Variants in ADD1 observed in about 807,000 individuals in gnomAD.
ADD1 encodes the protein adducin 1.
ADD1 carries 24 observed loss-of-function variants against 80.5 expected under a neutral mutation model. The observed-to-expected ratio is 0.30, with a 90% CI of 0.22 to 0.42. The LOEUF (loss-of-function observed/expected upper bound fraction) is 0.42. ADD1 is among the 10% of genes least tolerant of loss of function. The pLI, the probability that ADD1 is intolerant of heterozygous loss-of-function variation, is 1.00. For missense variants in ADD1, 948 were observed against 1,019.0 expected, an observed-to-expected ratio of 0.93 and a Z score of 0.95; for synonymous variants, 373 against 393.8, an observed-to-expected ratio of 0.95 and a Z score of 0.63.
At chr4:2,852,352 A>G (rs1284747822) in intron 1 of ADD1, among the ~76,000 whole-genome samples, 1 of 101,964 alleles carries the variant, frequency 9.8e-6, no homozygotes, top group Non-Finnish European at 1.8e-5. Flanking sequence ...TTTGAAAGAG[A>G]GTCTCGCTCT....
At chr4:2,845,061 A>G (rs1725970193) in intron 1 of ADD1, among the ~76,000 whole-genome samples, 1 of 150,220 alleles carries the variant, frequency 6.7e-6, no homozygotes, top group Admixed American at 6.6e-5. Context: ...CCTTGAATGG[A>G]CAAAGGCCCG....
In ADD1 at chr4:2,894,646, C is replaced by T. The variant is rs1734881238; in HGVS notation, c.656C>T (p.Ala219Val). The stretch of plus-strand genomic sequence containing the variant: ...AGCACTAATCTGGGAGTGAATCAGG[C>T]CGGCTTCACCTTACACTCTGCAATT... ...RGSTNLGVNQAGFTLHSAIYA... is the reference protein window; with the variant it reads ...RGSTNLGVNQVGFTLHSAIYA... The change falls in exon 6 of 16, where the codon GCC becomes GTC. Residue 219 changes from alanine (A) to valine (V), a missense_variant. Ala to Val is a moderately conservative substitution (Grantham distance 64). Transcript: ENST00000683351. 6.2e-7 allele frequency: 1 copy of T among 1,610,060 alleles called. No individual in the cohort carries two copies. The highest frequency in any genetic ancestry group is 1.7e-5 in the Admixed American group (1 of 59,086).
chr4:2,923,756 C>T (rs1234483423), intron 14 of ADD1, among the ~76,000 whole-genome samples: 4 of 152,270 alleles, frequency 2.6e-5, no homozygotes, highest in Non-Finnish European at 4.4e-5. Flanking sequence ...TACATCTCAT[C>T]TCATTCTCAA....
In ADD1 at chr4:2,876,168, G is replaced by C. The variant is rs970086440; in HGVS notation, c.195+58G>C. 13 of 1,527,488 alleles carry C rather than the reference G, an allele frequency of 8.5e-6. No individual in the cohort carries two copies. The African/African-American group carries it at 1.8e-4, about 21-fold the overall frequency. The allele number at this position is 1,527,488 out of a possible 1,614,324, so 94.6% of individuals were successfully genotyped here. On this transcript the variant is annotated intron_variant, in intron 2 of 15. Coordinates refer to ENST00000683351, the MANE Select transcript of ADD1 (RefSeq NM_001354761.2). ...TCATCTTTCCTTTTCTAATACTTCA[G>C]GTCTTATGCCCTGTTGTATGAGTGG...
chr4:2,847,676 A>G (rs937167315), intron 1 of ADD1, among the ~76,000 whole-genome samples: 5 of 152,166 alleles, frequency 3.3e-5, no homozygotes, highest in Admixed American at 3.3e-4. Flanking sequence ...ACATGTGCCC[A>G]AGGTGGTTGG....
chr4:2,866,197 C>T (rs561917257), intron 1 of ADD1, among the ~76,000 whole-genome samples: 2 of 152,340 alleles, frequency 1.3e-5, no homozygotes, highest in African/African-American at 2.4e-5. Context: ...GAGGCAGTCT[C>T]CCTCTGTTCC....
At chr4:2,898,886 T>C (rs1362465875) in intron 8 of ADD1, 10 of 384,222 alleles carry the variant, frequency 2.6e-5, no homozygotes, top group Non-Finnish European at 4.8e-5. Flanking sequence ...TATACAGAAG[T>C]AGAGACTCAG....
intron 1 of ADD1, among the ~76,000 whole-genome samples, chr4:2,872,420 C>G (rs1333399457): frequency 6.6e-6 from 1 of 152,136 alleles, no homozygotes; most frequent in Non-Finnish European, 1.5e-5. Flanking sequence ...ATCATTTTGC[C>G]AGTGTATAAT....
chr4:2,869,487 C>T (rs1730083266), intron 1 of ADD1, among the ~76,000 whole-genome samples: 1 of 152,186 alleles, frequency 6.6e-6, no homozygotes, highest in Admixed American at 6.5e-5. Flanking sequence ...CTAATTACAT[C>T]TGTAGCGACC....
chr4:2,856,079 C>T (rs1019847464), intron 1 of ADD1, among the ~76,000 whole-genome samples: 10 of 148,020 alleles, frequency 6.8e-5, no homozygotes, highest in Admixed American at 2.0e-4. Context: ...AAAATAGAGA[C>T]GAGTCTTACT....
chr4:2,873,025 A>C (rs931938938), intron 1 of ADD1, among the ~76,000 whole-genome samples: 1 of 151,494 alleles, frequency 6.6e-6, no homozygotes, highest in Non-Finnish European at 1.5e-5. Flanking sequence ...ACGGAGTCTT[A>C]CTCTGTTGTT....
chr4:2,855,123 A>G (rs1187637675), intron 1 of ADD1: 1 of 152,140 alleles, frequency 6.6e-6, no homozygotes, highest in Non-Finnish European at 1.5e-5. Flanking sequence ...CACCCAGGTA[A>G]TCCAGGATAA....
chr4:2,847,064 T>C (rs1560131438), intron 1 of ADD1, among the ~76,000 whole-genome samples: 1 of 144,800 alleles, frequency 6.9e-6, no homozygotes, highest in South Asian at 2.2e-4. Context: ...TTGCAGTGAG[T>C]GGAGATCGCT....
At chr4:2,908,974 A>C (rs1245659793) in intron 12 of ADD1, 1 of 442,466 alleles carries the variant, frequency 2.3e-6, no homozygotes, top group Non-Finnish European at 4.1e-6. Flanking sequence ...TGTCTGCAAC[A>C]AAGTGCTGCT....
At chr4:2,905,751 G>C (rs1736945944) in intron 10 of ADD1, 1 of 153,254 alleles carries the variant, frequency 6.5e-6, no homozygotes, top group African/African-American at 2.4e-5. Context: ...GTGCAGCGCA[G>C]GCCATCTGCA....
At chr4:2,871,661 C>T (rs1730478469) in intron 1 of ADD1, among the ~76,000 whole-genome samples, 1 of 152,182 alleles carries the variant, frequency 6.6e-6, no homozygotes, top group African/African-American at 2.4e-5. Context: ...ATGAGTCCTG[C>T]TCTAACCTTC....
intron 1 of ADD1, among the ~76,000 whole-genome samples, chr4:2,854,549 A>G (rs1034408365): frequency 3.3e-5 from 5 of 152,154 alleles, no homozygotes; most frequent in African/African-American, 9.7e-5. Flanking sequence ...TGGTTCATAT[A>G]TGTTGACAGT....
Position 2,926,631 on chromosome 4 carries a change from G to A in ADD1, c.2047+519G>A, listed in dbSNP as rs367829090. On this transcript the variant is annotated intron_variant, in intron 15 of 15. Transcript: ENST00000683351. The surrounding 1 kb of genome is among the most constrained non-coding windows in gnomAD (Gnocchi z 5.0). ...TGTGCTTTTTTCTCCCTGTGGCTGC[G>A]TCACAAGCAGGAGACGGATGCGCTA... 154 of 1,613,608 alleles carry A rather than the reference G, an allele frequency of 9.5e-5. No homozygotes were observed. Among genetic ancestry groups the A allele is most frequent in the Middle Eastern group, 1.7e-4 (1 of 6,060 alleles).
At chr4:2,912,764 C>T (rs145726233) in intron 13 of ADD1, among the ~76,000 whole-genome samples, 30 of 152,250 alleles carry the variant, frequency 2.0e-4, no homozygotes, top group African/African-American at 7.2e-4. Context: ...TGGGCTCAAG[C>T]AATCCTTCTG....
Sources: gnomAD v4.1 joint callset for allele counts (sites outside exome capture counted in the v4.1 genomes callset) on GRCh38, gnomAD v4.1.1 for gene constraint, Gnocchi (gnomAD v3.1) non-coding constraint, MANE v1.5 for transcripts, NCBI Gene and HGNC (gene_info 2026-07-23, HGNC 2026-07-21) for gene names.